ATP11C: variants seen among roughly 807,000 people sequenced by gnomAD.
The protein encoded by ATP11C is ATPase phospholipid transporting 11C (ATP11C blood group).
In ATP11C, 36 loss-of-function variants were observed where a neutral mutation model predicts 97.4. The observed-to-expected ratio is 0.37, with a 90% confidence interval of 0.28 to 0.49. The LOEUF is 0.49. Ranked by LOEUF, ATP11C falls within the 20% of genes least tolerant of loss-of-function variation. ATP11C has a pLI of 0.98. For synonymous variants in ATP11C, 275 were observed against 290.9 expected, an observed-to-expected ratio of 0.95 and a Z score of 0.56; for missense variants, 730 against 824.6, an observed-to-expected ratio of 0.89 and a Z score of 1.40.
At chrX:139,914,634 G>GT (rs1301399065) in intron 1 of ATP11C, among the ~76,000 whole-genome samples, 10 of 111,906 alleles carry the variant, frequency 8.9e-5, no homozygotes, top group Admixed American at 4.8e-4. Flanking sequence ...TCAAATCAGT[G>GT]TAAGGCCTGA....
chrX:139,789,036 A>G (rs2082635650), intron 13 of ATP11C, among the ~76,000 whole-genome samples: 1 of 110,574 alleles, frequency 9.0e-6, no homozygotes, highest in African/African-American at 3.3e-5. Flanking sequence ...CTCCGTTTCT[A>G]CTAAAAATAC....
In ATP11C at chrX:139,819,407, G is replaced by C; in HGVS notation, c.168C>G (p.Leu56=). The C allele has an allele frequency of 8.9e-7, 1 of 1,121,783 alleles. No individual in the cohort carries two copies. The highest frequency in any genetic ancestry group is 1.2e-6 in the Non-Finnish European group (1 of 837,096). The allele number at this position is 1,121,783 out of a possible 1,213,427, so 92.4% of individuals were successfully genotyped here. The change falls in exon 3 of 30, where the codon CTC becomes CTG. Residue 56 remains leucine (L), a synonymous_variant. Coordinates refer to ENST00000682941, the MANE Select transcript of ATP11C (RefSeq NM_001353812.2). ...TAAACTGTTCAAACAGATTCTTTGG[G>C]AGAAAATTCCAAAGTGTATACTGTA... is the stretch of plus-strand genomic sequence containing the variant. The part of the protein sequence containing the change: ...VSSKYTLWNF[L]PKNLFEQFRR...
At position 139,818,455 on chromosome X, in the gene ATP11C, T is replaced by C. The variant is rs776993584; in HGVS notation, c.237+883A>G. The stretch of plus-strand genomic sequence containing the variant: ...ACTGCCCACCAAGTAGAATGATTCT[T>C]TCAAGCAGAATCCTCTAGGTAGTTT... On this transcript the variant is annotated intron_variant, in intron 3 of 29. Transcript: ENST00000682941. Among the ~76,000 whole-genome samples the C allele has an allele frequency of 2.7e-5, 3 of 112,004 alleles. No individual in the cohort carries two copies. In the East Asian group the frequency reaches 8.5e-4, roughly 32 times the overall value.
intron 1 of ATP11C, chrX:139,832,026 C>T (rs1049867793): frequency 3.0e-6 from 2 of 670,319 alleles, no homozygotes; most frequent in African/African-American, 4.5e-5. Flanking sequence ...ATCCAGCTAA[C>T]CATTTACGAT....
At chrX:139,853,833 CAAAAAAAAAAAAAAAAA>C (rs934664774) in intron 1 of ATP11C, among the ~76,000 whole-genome samples, 2 of 21,270 alleles carry the variant, frequency 9.4e-5, no homozygotes, top group African/African-American at 1.7e-4. Context: ...TATCCTAAGT[CAAAAAAAAAAAAAAAAA>C]AAAAAAAAAA....
intron 1 of ATP11C, among the ~76,000 whole-genome samples, chrX:139,857,327 G>A (rs1197437898): frequency 8.9e-6 from 1 of 112,075 alleles, no homozygotes; most frequent in Non-Finnish European, 1.9e-5. Context: ...AAGGGGAGGG[G>A]CTGTTAGATA....
At chrX:139,819,132 C>T (rs954834367) in intron 3 of ATP11C, among the ~76,000 whole-genome samples, 3 of 111,870 alleles carry the variant, frequency 2.7e-5, no homozygotes, top group Non-Finnish European at 5.6e-5. Context: ...GAAACAAAAT[C>T]TCAACAGGTT....
intron 19 of ATP11C, among the ~76,000 whole-genome samples, chrX:139,774,446 T>G (rs932510397): frequency 8.9e-6 from 1 of 112,379 alleles, no homozygotes; most frequent in African/African-American, 3.2e-5. Flanking sequence ...ATTTAAAAAT[T>G]GAGCTATTTT....
At chrX:139,884,025 G>A (rs1296218244) in intron 1 of ATP11C, among the ~76,000 whole-genome samples, 1 of 111,847 alleles carries the variant, frequency 8.9e-6, no homozygotes, top group Non-Finnish European at 1.9e-5. Flanking sequence ...ATCAAGGGAT[G>A]GTGTGGTATT....
chrX:139,816,207 T>C (rs1180461454), intron 4 of ATP11C, among the ~76,000 whole-genome samples: 3 of 111,915 alleles, frequency 2.7e-5, no homozygotes, highest in African/African-American at 6.5e-5. Flanking sequence ...AAGCACTTTG[T>C]TAAATATCAT....
At chrX:139,906,562 T>C (rs2084980116) in intron 1 of ATP11C, among the ~76,000 whole-genome samples, 1 of 110,078 alleles carries the variant, frequency 9.1e-6, no homozygotes, top group Non-Finnish European at 1.9e-5. Context: ...GGCGGGTAGA[T>C]CACGAGGTCA....
chrX:139,920,877 G>A (rs2085248836), intron 1 of ATP11C, among the ~76,000 whole-genome samples: 1 of 111,950 alleles, frequency 8.9e-6, no homozygotes, highest in Admixed American at 9.6e-5. Context: ...AAAGGTCCAG[G>A]TAAATGACAG....
rs1394091637 is a variant in ATP11C, at chrX:139,932,063, G to A, written c.-21C>T. On this transcript the variant is annotated 5_prime_UTR_variant, in exon 1 of 30. Transcript: ENST00000682941. ...AACATCGCGTCGAAGGCTGCCGGGC[G>A]CTGAGCTGGGCTCTACCGGGCTGTC... 14 of 1,152,640 alleles carry A rather than the reference G, an allele frequency of 1.2e-5. No individual in the cohort carries two copies. Among genetic ancestry groups the A allele is most frequent in the Non-Finnish European group, 1.6e-5 (14 of 864,884 alleles). The allele number at this position is 1,152,640 out of a possible 1,213,427, so 95.0% of individuals were successfully genotyped here.
rs1237835022 is a variant in ATP11C, at chrX:139,835,764, C to T, written c.28-8941G>A. Among the ~76,000 whole-genome samples, 2 of 106,141 alleles carry T rather than the reference C, an allele frequency of 1.9e-5. 1 individual carries two copies. Among genetic ancestry groups the T allele is most frequent in the Non-Finnish European group, 3.9e-5 (2 of 51,604 alleles). 92.2% of individuals were successfully genotyped at this position (106,141 alleles called of 115,157 possible). ...ATGTGGCCGGCCGAGTGTGGTGGCT[C>T]ACACCTATAATCCTAGCACTTTGGG... On this transcript the variant is annotated intron_variant, in intron 1 of 29. Transcript: ENST00000682941.
At chrX:139,915,163 AC>A (rs2085135396) in intron 1 of ATP11C, among the ~76,000 whole-genome samples, 1 of 111,621 alleles carries the variant, frequency 9.0e-6, no homozygotes, top group Non-Finnish European at 1.9e-5. Flanking sequence ...TCAAATCTTG[AC>A]CCATATAAAA....
In ATP11C at chrX:139,844,678, T is replaced by C. The variant is rs1283109628; in HGVS notation, c.28-17855A>G. ...CTGTGTGTGTGTAGGGGCCTGTGTA[T>C]TTGTGAGATCCCCTAATCCAAAGGC... On this transcript the variant is annotated intron_variant, in intron 1 of 29. Coordinates refer to ENST00000682941, the MANE Select transcript of ATP11C (RefSeq NM_001353812.2). 4.5e-5 allele frequency among the ~76,000 whole-genome samples: 5 copies of C among 111,936 alleles called. No homozygotes were observed. In the East Asian group the frequency reaches 1.4e-3, roughly 32 times the overall value.
At chrX:139,749,799 G>A (rs1338244786) in intron 24 of ATP11C, among the ~76,000 whole-genome samples, 1 of 111,581 alleles carries the variant, frequency 9.0e-6, no homozygotes, top group African/African-American at 3.3e-5. Context: ...AGGAATTAGT[G>A]ACTCTGAACT....
intron 18 of ATP11C, among the ~76,000 whole-genome samples, chrX:139,781,505 C>CA (rs2082457426): frequency 9.0e-6 from 1 of 111,478 alleles, no homozygotes. Flanking sequence ...TTGAGGCCAG[C>CA]AGTTCAAGAC....
rs1270233339 is a variant in ATP11C at position 139,727,251 on chromosome X, A to T, written c.*1715T>A. 8.9e-6 allele frequency: 1 copy of T among 112,123 alleles called. No individual in the cohort carries two copies. Among genetic ancestry groups the T allele is most frequent in the African/African-American group, 3.2e-5 (1 of 30,812 alleles). 9.2% of individuals were successfully genotyped at this position (112,123 alleles called of 1,213,427 possible). ...CAACCATAAGAACAAGAAAACAAAC[A>T]CAAAATATCAAAAGCTTTCCTGGGT... is the stretch of plus-strand genomic sequence containing the variant. On this transcript the variant is annotated 3_prime_UTR_variant, in exon 30 of 30. Coordinates refer to ENST00000682941, the MANE Select transcript of ATP11C (RefSeq NM_001353812.2).
Sources: gnomAD v4.1 joint callset for allele counts (sites outside exome capture counted in the v4.1 genomes callset) on GRCh38, gnomAD v4.1.1 for gene constraint, MANE v1.5 for transcripts, NCBI Gene and HGNC (gene_info 2026-07-23, HGNC 2026-07-21) for gene names.